Variants in PDRG1 observed in about 807,000 individuals in gnomAD.
The protein encoded by PDRG1 is p53 and DNA damage-regulated protein 1.
In PDRG1, 14 loss-of-function variants were observed where a neutral mutation model predicts 18.4. The ratio of observed to expected loss-of-function variants is 0.76; its 90% CI spans 0.50 to 1.19. The LOEUF (loss-of-function observed/expected upper bound fraction) is 1.19, where lower values mean the gene tolerates loss of function less well. Among genes scored for constraint, PDRG1 ranks in the 50% most tolerant of loss-of-function variants. The pLI is 0.00. For missense variants in PDRG1, 177 were observed against 160.1 expected (o/e 1.11, Z -0.57); for synonymous variants, 65 against 60.9 (o/e 1.07, Z -0.31).
chr20:31,951,697 A>G (rs112777018), intron 1 of PDRG1, among the ~76,000 whole-genome samples, 178 bp downstream of exon 1: 245 of 152,368 alleles, frequency 1.6e-3, no homozygotes, highest in African/African-American at 5.7e-3. Flanking sequence ...AGAAAGGATG[A>G]AGAGAGAGGA....
At chr20:31,949,951 A>G (rs1381113937) in intron 2 of PDRG1, among the ~76,000 whole-genome samples, 3 of 152,094 alleles carry the variant, frequency 2.0e-5, no homozygotes. Context: ...CCCAAGTCCA[A>G]TTCCATCTCT....
At chr20:31,948,781 C>T (rs1267188761) in intron 3 of PDRG1, 27 bp downstream of exon 3, 1 of 1,604,548 alleles carries the variant, frequency 6.2e-7, no homozygotes, top group East Asian at 2.2e-5. Flanking sequence ...GGCAGCACAC[C>T]CCTGACCCAT....
intron 1 of PDRG1, among the ~76,000 whole-genome samples, chr20:31,951,382 G>A (rs1036618740): frequency 1.3e-5 from 2 of 152,064 alleles, no homozygotes; most frequent in Non-Finnish European, 2.9e-5. Context: ...AGCAGCCAGG[G>A]GGGATCCTTT....
rs2064312571 is a variant in PDRG1 at position 31,945,870 on chromosome 20, A to C, written c.339T>G (p.Gly113=). 2 of 1,612,836 alleles carry C rather than the reference A, an allele frequency of 1.2e-6. No individual in the cohort carries two copies. The highest frequency in any genetic ancestry group is 1.1e-5 in the South Asian group (1 of 91,002). ...FEAQGKPELK[G]FNLNPLNQDE... is the part of the protein sequence containing the mutation. The stretch of plus-strand genomic sequence containing the variant: ...CCTGGTTGAGGGGGTTCAAGTTAAA[A>C]CCCTTCAGCTCCGGTTTGCCTAGGA... Residue 113 remains glycine (G), a synonymous_variant, in exon 5 of 5, where the codon GGT becomes GGG. Transcript: ENST00000202017.
intron 1 of PDRG1, among the ~76,000 whole-genome samples, chr20:31,951,346 G>A (rs1475702523): frequency 6.6e-6 from 1 of 152,120 alleles, no homozygotes; most frequent in Non-Finnish European, 1.5e-5. Context: ...CTCCGCCCTT[G>A]CCCACCTATA....
rs766035603 is a variant in PDRG1, at chr20:31,945,768, C to G, written c.*39G>C. The G allele has an allele frequency of 6.4e-7, 1 of 1,556,306 alleles. No individual in the cohort carries two copies. The highest frequency in any genetic ancestry group is 1.7e-5 in the Admixed American group (1 of 59,518). On this transcript the variant is annotated 3_prime_UTR_variant, in exon 5 of 5. Coordinates refer to ENST00000202017, the MANE Select transcript of PDRG1 (RefSeq NM_030815.3). ...TGGAGGGTCCTGGGTCCTCCATGAC[C>G]CTGGGGGGTTGCTGGTCCCCCATCT...
In PDRG1 at chr20:31,945,378, T is replaced by A. The variant is rs1600643591; in HGVS notation, c.*429A>T. ...AGCCTCCTGCTTTATTCCAATCGCA[T>A]GGCACCAGCCTGAAAACCTCTCTCC... On this transcript the variant is annotated 3_prime_UTR_variant, in exon 5 of 5. Coordinates refer to ENST00000202017, the MANE Select transcript of PDRG1 (RefSeq NM_030815.3). 1 of 156,390 alleles carries A rather than the reference T, an allele frequency of 6.4e-6. No individual in the cohort carries two copies. The highest frequency in any genetic ancestry group is 1.4e-5 in the Non-Finnish European group (1 of 70,590). 9.7% of individuals were successfully genotyped at this position (156,390 alleles called of 1,614,324 possible).
intron 1 of PDRG1, 32 bp downstream of exon 1, chr20:31,951,843 C>T: frequency 6.5e-7 from 1 of 1,535,048 alleles, no homozygotes; most frequent in African/African-American, 1.4e-5. Context: ...GCGCCGGCCG[C>T]CAGGCCCCAG....
intron 3 of PDRG1, among the ~76,000 whole-genome samples, 196 bp downstream of exon 3, chr20:31,948,612 C>CACAGATG (rs58738885): frequency 0.13 from 20,534 of 152,190 alleles, 1,497 homozygotes; most frequent in African/African-American, 0.17. Flanking sequence ...AGCTATGCTA[C>CACAGATG]ACAGATGCAT....
rs758120112 is a variant in PDRG1, at chr20:31,950,318, G to C, written c.157C>G (p.Leu53Val). ...GLRALQKDLS[L>V]SEDVMVCFGN... Reference sequence around the variant, plus strand: ...TGAGAAAATTTCAACTTACCAGAGAGGCTGAGATCCTTCTGCAGGGCCCTC... The same window carrying C: ...TGAGAAAATTTCAACTTACCAGAGACGCTGAGATCCTTCTGCAGGGCCCTC... The change falls in exon 2 of 5, where the codon CTC (leucine) becomes GTC (valine). Residue 53 changes from leucine (L) to valine (V), a missense_variant. Coordinates refer to ENST00000202017, the MANE Select transcript of PDRG1 (RefSeq NM_030815.3). The C allele has an allele frequency of 2.5e-6, 4 of 1,607,570 alleles. No individual in the cohort carries two copies. In the East Asian group the frequency reaches 6.7e-5, roughly 27 times the overall value.
At position 31,946,648 on chromosome 20, in the gene PDRG1, C is replaced by T. The variant is rs558722845; in HGVS notation, c.239-72G>A. On this transcript the variant is annotated intron_variant, in intron 3 of 4. Transcript: ENST00000202017. ...GACTTGATCCCAGTAGTGGAGAGGCCAGCCTCTCCCCAGCAAGGGCGTGTA... is the reference window on the plus strand; with the variant it reads ...GACTTGATCCCAGTAGTGGAGAGGCTAGCCTCTCCCCAGCAAGGGCGTGTA... 2.1e-5 allele frequency: 27 copies of T among 1,307,246 alleles called. No individual in the cohort carries two copies. The East Asian group carries it at 3.9e-4, about 19-fold the overall frequency. The allele number at this position is 1,307,246 out of a possible 1,614,324, so 81.0% of individuals were successfully genotyped here.
In PDRG1 at chr20:31,945,749, G is replaced by T. The variant is rs959531918; in HGVS notation, c.*58C>A. The stretch of plus-strand genomic sequence containing the variant: ...TCCTTACAGGTGTCAAGGTTGGAGG[G>T]TCCTGGGTCCTCCATGACCCTGGGG... On this transcript the variant is annotated 3_prime_UTR_variant, in exon 5 of 5. Transcript: ENST00000202017. The T allele has an allele frequency of 1.1e-5, 15 of 1,422,742 alleles. No individual in the cohort carries two copies. In the East Asian group the frequency reaches 3.2e-4, roughly 30 times the overall value. 88.1% of individuals were successfully genotyped at this position (1,422,742 alleles called of 1,614,324 possible).
At chr20:31,949,471 CT>C (rs2064338848) in intron 2 of PDRG1, among the ~76,000 whole-genome samples, 1 of 152,188 alleles carries the variant, frequency 6.6e-6, no homozygotes, top group Non-Finnish European at 1.5e-5. Context: ...ACTCAGGAGG[CT>C]GAGGCACAAG....
chr20:31,945,989 G>A, intron 4 of PDRG1, 100 bp from the exon 5 acceptor site: 1 of 957,694 alleles, frequency 1.0e-6, no homozygotes, highest in South Asian at 1.5e-5. Context: ...GCCAAACTCA[G>A]CCTGGAGGTC....
intron 3 of PDRG1, 43 bp from the exon 4 acceptor site, chr20:31,946,619 G>A: frequency 6.5e-7 from 1 of 1,534,042 alleles, no homozygotes; most frequent in Non-Finnish European, 9.0e-7. Flanking sequence ...GATTGTACCA[G>A]ACAGACTTGA....
chr20:31,946,574 G>T lies in PDRG1; in HGVS notation c.241C>A (p.Gln81Lys). The T allele has an allele frequency of 6.2e-7, 1 of 1,610,772 alleles. No homozygotes were observed. The highest frequency in any genetic ancestry group is 1.1e-5 in the South Asian group (1 of 90,998). The change falls in exon 4 of 5, where the codon CAA (glutamine) becomes AAA (lysine). Residue 81 changes from glutamine to lysine, a missense_variant and splice_region_variant. Transcript: ENST00000202017. ...TCTATTTCTTTATCCAGATGATCTT[G>T]ATCTGAAAAAATGAGGGGGGCAAGC... ...PETKEMIEKD[Q>K]DHLDKEIEKL...
Position 31,945,899 on chromosome 20 carries a change from A to G in PDRG1, c.320-10T>C, listed in dbSNP as rs1294137050. On this transcript the variant is annotated splice_polypyrimidine_tract_variant and intron_variant, in intron 4 of 4. Transcript: ENST00000202017. Reference sequence around the variant, plus strand: ...TTCAGCTCCGGTTTGCCTAGGAGAGAAGATGATCCATCAGCACGTCGGGCC... The same window carrying G: ...TTCAGCTCCGGTTTGCCTAGGAGAGGAGATGATCCATCAGCACGTCGGGCC... 1.2e-6 allele frequency: 2 copies of G among 1,610,894 alleles called. No homozygotes were observed. The highest frequency in any genetic ancestry group is 1.3e-5 in the African/African-American group (1 of 74,826).
intron 2 of PDRG1, 145 bp downstream of exon 2, chr20:31,950,167 C>T: frequency 1.5e-6 from 1 of 675,812 alleles, no homozygotes; most frequent in Non-Finnish European, 2.5e-6. Flanking sequence ...ATTTGCTCCC[C>T]CATCTCCCCG....
intron 3 of PDRG1, among the ~76,000 whole-genome samples, chr20:31,948,005 T>C (rs2064329491): frequency 6.6e-6 from 1 of 152,218 alleles, no homozygotes; most frequent in South Asian, 2.1e-4. Context: ...AAAAAGTATG[T>C]GTAGCCTGTT....
Sources: allele counts gnomAD v4.1 joint callset (sites outside exome capture counted in the v4.1 genomes callset), GRCh38; gene constraint gnomAD v4.1.1; transcripts MANE v1.5; gene names NCBI Gene and HGNC (gene_info 2026-07-23, HGNC 2026-07-21).